The following RNF144A variants were observed in gnomAD, a reference collection of about 807,000 sequenced individuals.
RNF144A encodes the protein ring finger protein 144A.
In RNF144A, 11 loss-of-function variants were observed where a neutral mutation model predicts 38.7. That is an observed-to-expected ratio of 0.28 (90% confidence interval 0.18 to 0.47). RNF144A has a LOEUF of 0.47. Among genes scored for constraint, RNF144A ranks in the 20% least tolerant of loss-of-function variants. The pLI is 0.99. For synonymous variants in RNF144A, 149 were observed against 143.9 expected (o/e 1.04, Z -0.25); for missense variants, 316 against 377.2 (o/e 0.84, Z 1.34).
At chr2:7,053,227 C>T (rs532276931) in intron 6 of RNF144A, among the ~76,000 whole-genome samples, 147 of 152,276 alleles carry the variant, frequency 9.7e-4, no homozygotes, top group African/African-American at 3.4e-3. Context: ...GAGAATTAGT[C>T]GTAAATGTAG....
chr2:6,953,393 C>T (rs1666809578), intron 2 of RNF144A, among the ~76,000 whole-genome samples: 1 of 152,214 alleles, frequency 6.6e-6, no homozygotes, highest in African/African-American at 2.4e-5. Flanking sequence ...CGTGCCACTG[C>T]ATTGCAGTCT....
intron 2 of RNF144A, among the ~76,000 whole-genome samples, chr2:6,995,149 A>G (rs1406201141): frequency 6.6e-6 from 1 of 151,900 alleles, no homozygotes; most frequent in Non-Finnish European, 1.5e-5. Flanking sequence ...CTAACTAAAT[A>G]TTAGCGCAGT....
At chr2:7,075,889 T>G in the RNF144A span, among the ~76,000 whole-genome samples, 1 of 152,170 alleles carries the variant, frequency 6.6e-6, no homozygotes, top group Non-Finnish European at 1.5e-5. Flanking sequence ...GAGGCCTCCT[T>G]GGAAAGCGTA....
chr2:6,925,695 G>T (rs1333009542), intron 1 of RNF144A, among the ~76,000 whole-genome samples: 1 of 152,148 alleles, frequency 6.6e-6, no homozygotes, highest in Non-Finnish European at 1.5e-5. Context: ...TCTGCGCTGG[G>T]GGTGCACCTC....
At chr2:6,970,499 T>A (rs1667943102) in intron 2 of RNF144A, among the ~76,000 whole-genome samples, 1 of 152,214 alleles carries the variant, frequency 6.6e-6, no homozygotes, top group Non-Finnish European at 1.5e-5. Context: ...ATGAGCAGCA[T>A]GAAAACAGAC....
intron 2 of RNF144A, among the ~76,000 whole-genome samples, chr2:6,989,573 C>T (rs1327892988): frequency 6.6e-6 from 1 of 152,328 alleles, no homozygotes; most frequent in African/African-American, 2.4e-5. Flanking sequence ...TTCCATCCTA[C>T]CATGCCCCTG....
chr2:6,984,598 G>A (rs1323198313), intron 2 of RNF144A, among the ~76,000 whole-genome samples: 2 of 152,204 alleles, frequency 1.3e-5, no homozygotes, highest in African/African-American at 4.8e-5. Flanking sequence ...CACCGCACTC[G>A]GCCCCAAGCT....
At chr2:7,056,983 C>T (rs906913924) in intron 6 of RNF144A, among the ~76,000 whole-genome samples, 1 of 152,214 alleles carries the variant, frequency 6.6e-6, no homozygotes, top group Non-Finnish European at 1.5e-5. Flanking sequence ...AGGACCCTGA[C>T]GTTCCTTGCC....
intron 1 of RNF144A, among the ~76,000 whole-genome samples, chr2:6,937,404 G>T (rs771153341): frequency 6.6e-6 from 1 of 152,204 alleles, no homozygotes; most frequent in Non-Finnish European, 1.5e-5. Context: ...ACCCCTCTGG[G>T]CAGGAAGCTC....
intron 2 of RNF144A, among the ~76,000 whole-genome samples, chr2:6,942,341 G>C (rs948830478): frequency 6.6e-6 from 1 of 150,784 alleles, no homozygotes; most frequent in African/African-American, 2.4e-5. Flanking sequence ...TGGAGGACAA[G>C]GGTGTAAAAT....
rs889732132 is a variant in RNF144A at position 6,977,897 on chromosome 2, A to C, written c.-11-19019A>C. On this transcript the variant is annotated intron_variant, in intron 2 of 8. Transcript: ENST00000320892. ...TTTTAAGGAGAAAATGAAAGCATAG[A>C]TGGTAGTGAGTGTCGGGGGGAGCTG... Among the ~76,000 whole-genome samples the C allele has an allele frequency of 2.6e-5, 4 of 152,210 alleles. No individual in the cohort carries two copies. The East Asian group carries it at 7.7e-4, about 29-fold the overall frequency.
intron 6 of RNF144A, among the ~76,000 whole-genome samples, chr2:7,064,119 AGTTTATGAGGGTTTT>A (rs1434202465): frequency 6.6e-6 from 1 of 152,166 alleles, no homozygotes; most frequent in East Asian, 1.9e-4. Flanking sequence ...AATATTAATT[AGTTTATGAGGGTTTT>A]GCCCTCATAA....
chr2:6,917,556 C>G lies in RNF144A; in HGVS notation c.-278C>G, dbSNP rs1664198008. 2 of 147,918 alleles carry G rather than the reference C, an allele frequency of 1.4e-5. No homozygotes were observed. The highest frequency in any genetic ancestry group is 1.3e-4 in the Admixed American group (2 of 14,880). The allele number at this position is 147,918 out of a possible 1,614,324, so 9.2% of individuals were successfully genotyped here. Reference sequence around the variant, plus strand: ...AGGCGCGGGCGGCAAACTGCGGGCACCCGGCACCCCGCAGCCAGTACCGGG... The same window carrying G: ...AGGCGCGGGCGGCAAACTGCGGGCAGCCGGCACCCCGCAGCCAGTACCGGG... On this transcript the variant is annotated 5_prime_UTR_variant, in exon 1 of 9. Coordinates refer to ENST00000320892, the MANE Select transcript of RNF144A (RefSeq NM_014746.6). The surrounding 1 kb of genome is among the most constrained non-coding windows in gnomAD (Gnocchi z 4.8).
At chr2:7,006,906 A>G (rs1032160348) in intron 3 of RNF144A, among the ~76,000 whole-genome samples, 8 of 152,154 alleles carry the variant, frequency 5.3e-5, no homozygotes, top group East Asian at 1.9e-4. Context: ...TTTGATGTCT[A>G]TTAAGGGTCC....
At chr2:7,065,345 T>C (rs1291375669) in intron 6 of RNF144A, among the ~76,000 whole-genome samples, 1 of 152,212 alleles carries the variant, frequency 6.6e-6, no homozygotes, top group Non-Finnish European at 1.5e-5. Context: ...CCTGGAGCTA[T>C]TATAAAATGA....
chr2:7,030,007 C>T (rs1159285930), intron 7 of RNF144A, 119 bp from the exon 8 acceptor site: 5 of 744,146 alleles, frequency 6.7e-6, no homozygotes, highest in South Asian at 4.9e-5. Context: ...CCCTGTGTCA[C>T]CTCCCTCATG....
In RNF144A at chr2:7,043,723, G is replaced by T; in HGVS notation, c.*3963G>T. 1 of 985,826 alleles carries T rather than the reference G, an allele frequency of 1.0e-6. No homozygotes were observed. The highest frequency in any genetic ancestry group is 1.2e-6 in the Non-Finnish European group (1 of 829,930). The allele number at this position is 985,826 out of a possible 1,614,324, so 61.1% of individuals were successfully genotyped here. A position where few individuals can be genotyped will look rare whatever the true frequency, so the allele number is the denominator to read the frequency against. ...CCGTCTTGATGTTTAAAAAACCCAG[G>T]GTCTCCACCCTTCCTTTGATTTGTG... On this transcript the variant is annotated 3_prime_UTR_variant, in exon 9 of 9. Transcript: ENST00000320892.
chr2:6,942,908 T>C (rs1666102877), intron 2 of RNF144A, among the ~76,000 whole-genome samples: 1 of 152,160 alleles, frequency 6.6e-6, no homozygotes, highest in South Asian at 2.1e-4. Flanking sequence ...TGCTTGAACC[T>C]GGGAGGCGGA....
chr2:7,048,472 AC>A (rs1356872193), downstream of RNF144A, among the ~76,000 whole-genome samples: 1 of 152,214 alleles, frequency 6.6e-6, no homozygotes, highest in Non-Finnish European at 1.5e-5. Flanking sequence ...CAACGAGCAG[AC>A]CATGGGGCCC....
Sources: gnomAD v4.1 joint callset for allele counts (sites outside exome capture counted in the v4.1 genomes callset) on GRCh38, gnomAD v4.1.1 for gene constraint, Gnocchi (gnomAD v3.1) non-coding constraint, MANE v1.5 for transcripts, NCBI Gene and HGNC (gene_info 2026-07-23, HGNC 2026-07-21) for gene names.